Variants in ABRAXAS1 observed in about 807,000 individuals in gnomAD.
ABRAXAS1 encodes the protein abraxas 1, BRCA1 A complex subunit.
In ABRAXAS1, 26 loss-of-function variants were observed where a neutral mutation model predicts 38.4. That is an observed-to-expected ratio of 0.68 (90% CI 0.50 to 0.94). The LOEUF is 0.94. Among genes scored for constraint, ABRAXAS1 ranks in the 40% least tolerant of loss-of-function variants. The pLI is 0.00. For synonymous variants in ABRAXAS1, 144 were observed against 165.5 expected (o/e 0.87, Z 1.00); for missense variants, 438 against 481.9 (o/e 0.91, Z 0.85).
At chr4:83,466,579 A>G (rs986039513) in intron 7 of ABRAXAS1, among the ~76,000 whole-genome samples, 41 of 148,116 alleles carry the variant, frequency 2.8e-4, no homozygotes, top group African/African-American at 9.9e-4. Flanking sequence ...TCTGTTGCCC[A>G]GGCTGGAGTG....
At chr4:83,470,515 G>A (rs1722541114) in intron 4 of ABRAXAS1, 119 bp from the exon 5 acceptor site, 1 of 675,512 alleles carries the variant, frequency 1.5e-6, no homozygotes, top group African/African-American at 1.8e-5. Flanking sequence ...AAAGATTTGG[G>A]GCATATATAA....
Position 83,463,589 on chromosome 4 carries a change from T to G in ABRAXAS1, c.701A>C (p.Glu234Ala). 1.2e-6 allele frequency: 2 copies of G among 1,608,836 alleles called. No individual in the cohort carries two copies. The highest frequency in any genetic ancestry group is 1.7e-6 in the Non-Finnish European group (2 of 1,177,656). The change falls in exon 8 of 9, where the codon GAA becomes GCA. Residue 234 changes from glutamate to alanine, a missense_variant. Physicochemically the swap from Glu to Ala is moderately radical, Grantham distance 107. This residue lies in a region of ABRAXAS1 where 194 missense variants were observed against 269.0 expected (regional missense o/e 0.72). Transcript: ENST00000321945. ...TTTATCTACTGCTTGTTCACTGTCT[T>G]CCACTTTTTTGCATATACTCTGCAA... Reference protein sequence around the residue: ...EELKSICKKVEDSEQAVDKLV... With the variant: ...EELKSICKKVADSEQAVDKLV...
chr4:83,480,676 T>C (rs1722968797), intron 2 of ABRAXAS1, among the ~76,000 whole-genome samples: 1 of 152,120 alleles, frequency 6.6e-6, no homozygotes, highest in African/African-American at 2.4e-5. Flanking sequence ...ATACCATATC[T>C]AGGAATCTAT....
In ABRAXAS1 at chr4:83,460,860, A is replaced by C. The variant is rs573173687; in HGVS notation, c.*1609T>G. Reference sequence around the variant, plus strand: ...GGCGGAGGTTGCAGTGAGGCGAGAGAGCACCACTGTACTCCAGCCTGGGTG... The same window carrying C: ...GGCGGAGGTTGCAGTGAGGCGAGAGCGCACCACTGTACTCCAGCCTGGGTG... On this transcript the variant is annotated 3_prime_UTR_variant, in exon 9 of 9. Coordinates refer to ENST00000321945, the MANE Select transcript of ABRAXAS1 (RefSeq NM_139076.3). 1.2e-6 allele frequency: 1 copy of C among 840,632 alleles called. No individual in the cohort carries two copies. The highest frequency in any genetic ancestry group is 1.9e-6 in the Non-Finnish European group (1 of 521,842). 52.1% of individuals were successfully genotyped at this position (840,632 alleles called of 1,614,324 possible).
rs377125240 is a variant in ABRAXAS1, at chr4:83,485,084, C to T, written c.-12G>A. On this transcript the variant is annotated 5_prime_UTR_variant, in exon 1 of 9. Coordinates refer to ENST00000321945, the MANE Select transcript of ABRAXAS1 (RefSeq NM_139076.3). Reference sequence around the variant, plus strand: ...CTCTCCCCCTCCATGCTACCGCCGCCTCAGGCTACACAAGAGGACGAGGGC... The same window carrying T: ...CTCTCCCCCTCCATGCTACCGCCGCTTCAGGCTACACAAGAGGACGAGGGC... 118 of 1,584,386 alleles carry T rather than the reference C, an allele frequency of 7.4e-5. No homozygotes were observed. In the African/African-American group the frequency reaches 1.5e-3, roughly 20 times the overall value.
Position 83,463,914 on chromosome 4 carries a change from G to A in ABRAXAS1, c.682-306C>T, listed in dbSNP as rs72931495. 0.079 allele frequency: 12,823 copies of A among 162,470 alleles called. 1,761 individuals are homozygous for A. Among genetic ancestry groups the A allele is most frequent in the African/African-American group, 0.29 (11,984 of 41,926 alleles). The allele number at this position is 162,470 out of a possible 1,614,324, so 10.1% of individuals were successfully genotyped here. On this transcript the variant is annotated intron_variant, in intron 7 of 8. Coordinates refer to ENST00000321945, the MANE Select transcript of ABRAXAS1 (RefSeq NM_139076.3). ...AAATATTAACTCATGGGCCAGCTGC[G>A]GTGGCTCACGCCTGTAATCCCAGCA...
chr4:83,483,001 T>C (rs1723050715), intron 1 of ABRAXAS1, among the ~76,000 whole-genome samples: 1 of 152,234 alleles, frequency 6.6e-6, no homozygotes, highest in Admixed American at 6.5e-5. Flanking sequence ...CCCGAATGAC[T>C]ACTCTGGATT....
chr4:83,482,307 C>T (rs373460015), intron 1 of ABRAXAS1, 63 bp from the exon 2 acceptor site: 8 of 1,029,188 alleles, frequency 7.8e-6, no homozygotes, highest in East Asian at 2.4e-5. Context: ...CTTAACTAAC[C>T]GTATTTCCTG....
rs189024714 is a variant in ABRAXAS1, at chr4:83,477,951, G to A, written c.179-1272C>T. 333 of 886,470 alleles carry A rather than the reference G, an allele frequency of 3.8e-4. 1 individual carries two copies. The African/African-American group carries it at 4.7e-3, about 13-fold the overall frequency. 54.9% of individuals were successfully genotyped at this position (886,470 alleles called of 1,614,324 possible). On this transcript the variant is annotated intron_variant, in intron 2 of 8. Transcript: ENST00000321945. ...AATCCCACCGATGTTCTAAAGATTC[G>A]AATGCAGGCTCAAGGAAGTTTGTTC...
chr4:83,481,037 C>T (rs965847371), intron 2 of ABRAXAS1, among the ~76,000 whole-genome samples: 1 of 151,892 alleles, frequency 6.6e-6, no homozygotes, highest in Non-Finnish European at 1.5e-5. Context: ...GAGGCTGAAG[C>T]AGGAGAATCG....
At chr4:83,477,803 AC>A (rs1319302589) in intron 2 of ABRAXAS1, 1 of 778,326 alleles carries the variant, frequency 1.3e-6, no homozygotes, top group Non-Finnish European at 2.3e-6. Context: ...ATCATATGGC[AC>A]CATTAAAATT....
intron 3 of ABRAXAS1, among the ~76,000 whole-genome samples, chr4:83,475,455 C>T (rs1455598815): frequency 6.6e-6 from 1 of 152,044 alleles, no homozygotes. Context: ...TTTTTCTTTT[C>T]CTTTTTTTGG....
At chr4:83,473,412 C>CAGTA (rs1722653126) in intron 3 of ABRAXAS1, among the ~76,000 whole-genome samples, 1 of 152,064 alleles carries the variant, frequency 6.6e-6, no homozygotes, top group Non-Finnish European at 1.5e-5. Context: ...GAGCATAAAG[C>CAGTA]AGTATATTAG....
At chr4:83,480,370 T>G (rs1284886430) in intron 2 of ABRAXAS1, 1 of 426,964 alleles carries the variant, frequency 2.3e-6, no homozygotes, top group Admixed American at 2.7e-5. Flanking sequence ...AGACTCCATC[T>G]CAAAACAAAA....
At chr4:83,475,004 GC>G (rs1047721670) in intron 3 of ABRAXAS1, among the ~76,000 whole-genome samples, 3 of 152,130 alleles carry the variant, frequency 2.0e-5, no homozygotes, top group African/African-American at 7.2e-5. Context: ...CTCTCCTAAT[GC>G]CTTTCCACCC....
At chr4:83,467,561 C>T (rs751736978) in intron 6 of ABRAXAS1, 23 bp from the exon 7 acceptor site, 2 of 1,153,010 alleles carry the variant, frequency 1.7e-6, no homozygotes, top group Non-Finnish European at 1.3e-6. Context: ...ACCATTTCCT[C>T]AGGCAAATAC....
intron 1 of ABRAXAS1, chr4:83,484,264 T>C: frequency 2.1e-6 from 2 of 937,688 alleles, no homozygotes; most frequent in Non-Finnish European, 2.5e-6. Flanking sequence ...CTCCGAACTG[T>C]ACCACACAGC....
chr4:83,468,865 G>A (rs991109114), intron 6 of ABRAXAS1, among the ~76,000 whole-genome samples, 167 bp downstream of exon 6: 2 of 151,972 alleles, frequency 1.3e-5, no homozygotes, highest in South Asian at 2.1e-4. Context: ...TTTGTATCTT[G>A]TAAGTACACA....
intron 5 of ABRAXAS1, chr4:83,469,424 C>T: frequency 3.3e-6 from 1 of 303,378 alleles, no homozygotes; most frequent in Non-Finnish European, 6.3e-6. Context: ...TCAAGCAATC[C>T]TCTTGCCTCA....
Sources: allele counts gnomAD v4.1 joint callset (sites outside exome capture counted in the v4.1 genomes callset), GRCh38; gene constraint gnomAD v4.1.1; regional missense constraint gnomAD v4.1.1; transcripts MANE v1.5; gene names NCBI Gene and HGNC (gene_info 2026-07-23, HGNC 2026-07-21).